PRH1: variants seen among roughly 807,000 people sequenced by gnomAD.
The protein encoded by PRH1 is salivary acidic proline-rich phosphoprotein 1/2.
In PRH1, 7 loss-of-function variants were observed where a neutral mutation model predicts 7.9. The ratio of observed to expected loss-of-function variants is 0.89; its 90% CI spans 0.50 to 1.67. The LOEUF (loss-of-function observed/expected upper bound fraction) is 1.67. Among genes scored for constraint, PRH1 ranks in the 40% most tolerant of loss-of-function variants. The pLI is 0.00. For synonymous variants in PRH1, 45 were observed against 80.8 expected (o/e 0.56, Z 2.38); for missense variants, 109 against 223.6 (o/e 0.49, Z 3.27).
chr12:11,020,460 A>G (rs7131800), intron 1 of PRH1, among the ~76,000 whole-genome samples: 1,989 of 151,402 alleles, frequency 0.013, 46 homozygotes, highest in African/African-American at 0.045. Flanking sequence ...TAAGTTCTAC[A>G]TAATAATGTT....
chr12:11,092,424 G>C, intron 1 of PRH1: 1 of 331,248 alleles, frequency 3.0e-6, no homozygotes, highest in South Asian at 3.0e-5. Flanking sequence ...AAAGGACAAA[G>C]CTTCCACAGA....
intron 1 of PRH1, among the ~76,000 whole-genome samples, chr12:11,106,422 A>G (rs188159573): frequency 2.4e-3 from 364 of 152,278 alleles, no homozygotes; most frequent in Non-Finnish European, 3.9e-3. Context: ...CCCATTTTCA[A>G]TATTTTTCAA....
intron 1 of PRH1, among the ~76,000 whole-genome samples, chr12:11,112,718 G>A (rs1430961275): frequency 6.6e-6 from 1 of 152,172 alleles, no homozygotes; most frequent in Non-Finnish European, 1.5e-5. Flanking sequence ...AAAACGGGAA[G>A]CATTCCCTTT....
intron 1 of PRH1, among the ~76,000 whole-genome samples, chr12:10,987,825 T>C (rs900677730): frequency 2.6e-5 from 4 of 152,176 alleles, no homozygotes; most frequent in Non-Finnish European, 5.9e-5. Flanking sequence ...TTTGTAAATA[T>C]TCCTGAGTAC....
chr12:10,999,352 T>C, intron 1 of PRH1, among the ~76,000 whole-genome samples: 1 of 152,138 alleles, frequency 6.6e-6, no homozygotes. Context: ...AGGCTGTAGG[T>C]AACAGCATCT....
In PRH1 at chr12:10,908,752, T is replaced by C. The variant is rs148234617; in HGVS notation, c.-58-24477A>G. 2,119 of 1,614,028 alleles carry C rather than the reference T, an allele frequency of 1.3e-3. 3 individuals are homozygous for C. The highest frequency in any genetic ancestry group is 1.7e-3 in the Non-Finnish European group (1,956 of 1,179,934). On this transcript the variant is annotated intron_variant, in intron 2 of 3. Coordinates refer to the PRH1 transcript ENST00000539853. The stretch of plus-strand genomic sequence containing the variant: ...AATGGTGTTAGACTGAACATAGTCA[T>C]AGTGAATTTGACCGACACTGAAAAT...
chr12:10,914,989 A>G (rs1244575225), intron 2 of PRH1, among the ~76,000 whole-genome samples: 2 of 152,142 alleles, frequency 1.3e-5, no homozygotes, highest in African/African-American at 4.8e-5. Context: ...TTAGCCTGGC[A>G]TGGTGGCGGG....
At chr12:10,903,922 C>A (rs1284757411) in intron 2 of PRH1, among the ~76,000 whole-genome samples, 1 of 20,878 alleles carries the variant, frequency 4.8e-5, no homozygotes, top group Non-Finnish European at 1.2e-4. Context: ...ATCCCATTTA[C>A]AATAGCCTCA....
chr12:10,938,878 C>T, intron 2 of PRH1: 2 of 1,613,822 alleles, frequency 1.2e-6, no homozygotes, highest in East Asian at 2.2e-5. Context: ...AATTGGCTAT[C>T]TTGAGAAAAT....
rs201072528 is a variant in PRH1, at chr12:11,030,471, T to A, written c.-126+16549A>T. The A allele has an allele frequency of 6.2e-7, 1 of 1,614,162 alleles. No individual in the cohort carries two copies. Among genetic ancestry groups the A allele is most frequent in the Non-Finnish European group, 8.5e-7 (1 of 1,180,050 alleles). ...ACTTGCCGCAAAACTGAAAGAAAAG[T>A]CTGCTTTAGCTTCTTGTTTCCCCAA... On this transcript the variant is annotated intron_variant, in intron 1 of 3. Transcript: ENST00000539853.
chr12:11,127,497 C>G (rs1172882181), intron 1 of PRH1, among the ~76,000 whole-genome samples: 2 of 152,202 alleles, frequency 1.3e-5, no homozygotes, highest in Admixed American at 1.3e-4. Flanking sequence ...AACTTTTCTA[C>G]CAAAAGTGTC....
At chr12:10,986,578 T>C (rs1939642546) in intron 1 of PRH1, 3 of 1,614,122 alleles carry the variant, frequency 1.9e-6, no homozygotes, top group Non-Finnish European at 2.5e-6. Context: ...AGCCACATGC[T>C]GAAATGGTTG....
At chr12:11,075,843 C>T (rs79563047) in intron 1 of PRH1, among the ~76,000 whole-genome samples, 29,622 of 77,382 alleles carry the variant, frequency 0.38, 2,838 homozygotes, top group Non-Finnish European at 0.48. Flanking sequence ...TTCGTTTTCA[C>T]TGGTTTACCA....
chr12:11,065,527 T>G (rs543320864), intron 1 of PRH1, among the ~76,000 whole-genome samples: 2 of 152,302 alleles, frequency 1.3e-5, no homozygotes, highest in African/African-American at 4.8e-5. Flanking sequence ...TGGGCAGTTA[T>G]CTTCCAATTC....
At chr12:11,087,093 G>C (rs67911202) in intron 1 of PRH1, among the ~76,000 whole-genome samples, 107,052 of 110,216 alleles carry the variant, frequency 0.97, 52,672 homozygotes, top group Middle Eastern at 1. Context: ...CCAGTGAGAA[G>C]TTAAACTTGT....
At chr12:11,166,952 AT>A (rs1210576092) in intron 1 of PRH1, among the ~76,000 whole-genome samples, 3 of 152,182 alleles carry the variant, frequency 2.0e-5, no homozygotes, top group Admixed American at 2.0e-4. Flanking sequence ...GAAGTGTTGC[AT>A]CTCTCTAACC....
chr12:10,979,092 G>A (rs1939235335), intron 1 of PRH1, among the ~76,000 whole-genome samples: 1 of 152,006 alleles, frequency 6.6e-6, no homozygotes, highest in Admixed American at 6.6e-5. Context: ...AGACACCAGG[G>A]CCCACTTGAA....
chr12:10,905,014 TA>T (rs35998107), intron 2 of PRH1, among the ~76,000 whole-genome samples: 7 of 146,448 alleles, frequency 4.8e-5, no homozygotes, highest in African/African-American at 7.5e-5. Flanking sequence ...ATCAAAAAGT[TA>T]AAAAAAAAAA....
intron 1 of PRH1, among the ~76,000 whole-genome samples, chr12:11,137,409 T>C (rs2600351): frequency 0.45 from 69,160 of 152,018 alleles, 16,526 homozygotes; most frequent in Non-Finnish European, 0.52. Context: ...GTTTTGGTTA[T>C]AGAACTATAA....
Sources: allele counts gnomAD v4.1 joint callset (sites outside exome capture counted in the v4.1 genomes callset), GRCh38; gene constraint gnomAD v4.1.1; transcripts MANE v1.5; gene names NCBI Gene and HGNC (gene_info 2026-07-23, HGNC 2026-07-21).